The following STIM2 variants were observed in gnomAD, a reference collection of about 807,000 sequenced individuals.
The protein encoded by STIM2 is stromal interaction molecule 2.
STIM2 carries 31 observed loss-of-function variants against 85.8 expected under a neutral mutation model. The ratio of observed to expected loss-of-function variants is 0.36; its 90% CI spans 0.27 to 0.49. The LOEUF (loss-of-function observed/expected upper bound fraction) is 0.49, where lower values mean the gene tolerates loss of function less well. STIM2 is among the 20% of genes least tolerant of loss of function. STIM2 has a pLI of 0.98. For missense variants in STIM2, 841 were observed against 927.6 expected, an observed-to-expected ratio of 0.91 and a Z score of 1.21; for synonymous variants, 356 against 331.1, an observed-to-expected ratio of 1.08 and a Z score of -0.82.
rs139279960 is a variant in STIM2 at position 26,987,265 on chromosome 4, A to T, written c.398-8114A>T. On this transcript the variant is annotated intron_variant, in intron 3 of 11. Coordinates refer to ENST00000467087, the MANE Select transcript of STIM2 (RefSeq NM_020860.4). ...CTTTCTGCTCTTAGGCACAGTTTTC[A>T]TCCCTTTTTAAGTGCTGATCCAAAA... is the stretch of plus-strand genomic sequence containing the variant. 9.5e-4 allele frequency among the ~76,000 whole-genome samples: 144 copies of T among 152,238 alleles called. 1 individual carries two copies. The highest frequency in any genetic ancestry group is 2.9e-3 in the Admixed American group (44 of 15,282).
chr4:26,907,451 G>A (rs766476824), intron 1 of STIM2, among the ~76,000 whole-genome samples: 4 of 152,114 alleles, frequency 2.6e-5, no homozygotes, highest in Non-Finnish European at 5.9e-5. Flanking sequence ...TTTGCAGGCT[G>A]TTAACAAGTA....
In STIM2 at chr4:27,022,900, C is replaced by T; in HGVS notation, c.2145C>T (p.Ala715=). 6.2e-7 allele frequency: 1 copy of T among 1,614,130 alleles called. No individual in the cohort carries two copies. The highest frequency in any genetic ancestry group is 8.5e-7 in the Non-Finnish European group (1 of 1,180,014). Residue 715 remains alanine, a synonymous_variant, in exon 12 of 12, where the codon GCC becomes GCT. Coordinates refer to ENST00000467087, the MANE Select transcript of STIM2 (RefSeq NM_020860.4). ...CAGTTCAGGAAGCCCCAAGTGTTGC[C>T]AGAATAAGCAGCATCCCACATGACC...
chr4:26,913,229 G>A (rs1459801915), intron 1 of STIM2, among the ~76,000 whole-genome samples: 2 of 151,898 alleles, frequency 1.3e-5, no homozygotes, highest in Non-Finnish European at 2.9e-5. Context: ...ATTAGATTTG[G>A]TAACATACAA....
intron 2 of STIM2, among the ~76,000 whole-genome samples, chr4:26,952,058 T>C (rs1726073430): frequency 6.6e-6 from 1 of 152,114 alleles, no homozygotes; most frequent in Non-Finnish European, 1.5e-5. Flanking sequence ...TGAGACTTAC[T>C]ACCACGAGAA....
intron 10 of STIM2, among the ~76,000 whole-genome samples, chr4:27,015,639 C>G (rs541417765): frequency 6.6e-6 from 1 of 151,860 alleles, no homozygotes; most frequent in Non-Finnish European, 1.5e-5. Flanking sequence ...TTGAGGTTGT[C>G]ATTGTTGCTG....
intron 1 of STIM2, among the ~76,000 whole-genome samples, chr4:26,882,458 T>TTC (rs1723050086): frequency 6.6e-6 from 1 of 151,662 alleles, no homozygotes; most frequent in Non-Finnish European, 1.5e-5. Context: ...TCTTTCTTTT[T>TTC]TTTTGTTTTT....
chr4:26,999,456 C>A, intron 5 of STIM2, 109 bp downstream of exon 5: 1 of 466,498 alleles, frequency 2.1e-6, no homozygotes, highest in Non-Finnish European at 3.6e-6. Flanking sequence ...GAAGAATCAT[C>A]TATTACCTGT....
intron 1 of STIM2, among the ~76,000 whole-genome samples, chr4:26,916,572 T>C (rs1724588391): frequency 6.6e-6 from 1 of 152,188 alleles, no homozygotes; most frequent in Non-Finnish European, 1.5e-5. Flanking sequence ...AATCCATTAA[T>C]AGCTTCTCAG....
intron 2 of STIM2, among the ~76,000 whole-genome samples, chr4:26,933,005 G>T (rs908865706): frequency 6.6e-6 from 1 of 152,166 alleles, no homozygotes; most frequent in Non-Finnish European, 1.5e-5. Flanking sequence ...GAAAGCAGCA[G>T]ATTAATGCTG....
intron 2 of STIM2, among the ~76,000 whole-genome samples, chr4:26,937,838 G>A (rs1018487132): frequency 2.0e-5 from 3 of 152,098 alleles, no homozygotes; most frequent in Non-Finnish European, 4.4e-5. Context: ...TTTGTGCCAA[G>A]ATTTCTGCTA....
intron 11 of STIM2, chr4:27,019,323 CT>C (rs1560242939): frequency 1.3e-6 from 1 of 751,992 alleles, no homozygotes; most frequent in Non-Finnish European, 2.0e-6. Flanking sequence ...GGCTTTATAT[CT>C]TCATTGCAGT....
chr4:27,008,730 A>G, intron 9 of STIM2, 34 bp from the exon 10 acceptor site: 1 of 1,598,810 alleles, frequency 6.3e-7, no homozygotes, highest in South Asian at 1.1e-5. Context: ...AGACCTTTTG[A>G]TGCAGTAAGT....
chr4:27,019,311 C>G, intron 11 of STIM2: 1 of 659,316 alleles, frequency 1.5e-6, no homozygotes, highest in Non-Finnish European at 2.4e-6. Flanking sequence ...GGAGATAATG[C>G]AGGCTTTATA....
chr4:26,940,218 T>C (rs79750905), intron 2 of STIM2, among the ~76,000 whole-genome samples: 3,383 of 152,216 alleles, frequency 0.022, 128 homozygotes, highest in African/African-American at 0.078. Context: ...ACCTGCTTGG[T>C]TTTCCTTCTT....
chr4:26,890,313 T>C (rs1369068468), intron 1 of STIM2, among the ~76,000 whole-genome samples: 1 of 152,194 alleles, frequency 6.6e-6, no homozygotes, highest in African/African-American at 2.4e-5. Flanking sequence ...GTACAACTTC[T>C]TCATATAACT....
At chr4:26,915,061 A>G (rs1303144220) in intron 1 of STIM2, among the ~76,000 whole-genome samples, 2 of 152,178 alleles carry the variant, frequency 1.3e-5, no homozygotes, top group African/African-American at 2.4e-5. Flanking sequence ...TTAGAATCCC[A>G]GTTGTCATTT....
chr4:26,923,110 G>A (rs1724868228), intron 2 of STIM2, among the ~76,000 whole-genome samples: 1 of 150,932 alleles, frequency 6.6e-6, no homozygotes, highest in African/African-American at 2.4e-5. Context: ...CCCCCAGCAG[G>A]GGCACACTGA....
At chr4:26,977,484 G>C (rs867768280) in intron 3 of STIM2, among the ~76,000 whole-genome samples, 3 of 152,192 alleles carry the variant, frequency 2.0e-5, no homozygotes, top group African/African-American at 7.2e-5. Flanking sequence ...TTGAGGAGAA[G>C]GGGTCAGGAG....
chr4:26,867,847 G>T (rs999939817), intron 1 of STIM2, among the ~76,000 whole-genome samples: 1 of 152,128 alleles, frequency 6.6e-6, no homozygotes, highest in Non-Finnish European at 1.5e-5. Flanking sequence ...TTTAAGGGTG[G>T]TTCCCTCTTA....
Sources: allele counts gnomAD v4.1 joint callset (sites outside exome capture counted in the v4.1 genomes callset), GRCh38; gene constraint gnomAD v4.1.1; transcripts MANE v1.5; gene names NCBI Gene and HGNC (gene_info 2026-07-23, HGNC 2026-07-21).